Variants in FAM13A observed in about 807,000 individuals in gnomAD.
FAM13A encodes the protein family with sequence similarity 13 member A.
FAM13A carries 76 observed loss-of-function variants against 129.6 expected under a neutral mutation model. That is an observed-to-expected ratio of 0.59 (90% CI 0.49 to 0.71). The LOEUF is 0.71. Among genes scored for constraint, FAM13A ranks in the 30% least tolerant of loss-of-function variants. FAM13A has a pLI of 0.00. For missense variants in FAM13A, 1,108 were observed against 1,249.3 expected, an observed-to-expected ratio of 0.89 and a Z score of 1.70; for synonymous variants, 443 against 449.9, an observed-to-expected ratio of 0.98 and a Z score of 0.20.
At chr4:88,921,649 A>C (rs556871072) in intron 5 of FAM13A, among the ~76,000 whole-genome samples, 35 of 152,332 alleles carry the variant, frequency 2.3e-4, no homozygotes, top group Admixed American at 5.2e-4. Context: ...TCAACTAACG[A>C]GCAAAATAAT....
intron 14 of FAM13A, among the ~76,000 whole-genome samples, chr4:88,751,340 G>A (rs1578488487): frequency 6.6e-6 from 1 of 152,164 alleles, no homozygotes; most frequent in Non-Finnish European, 1.5e-5. Context: ...CCAAACAACC[G>A]AGGAGTCAAG....
intron 4 of FAM13A, among the ~76,000 whole-genome samples, chr4:88,971,696 G>C (rs906195107): frequency 6.6e-6 from 1 of 152,114 alleles, no homozygotes; most frequent in Non-Finnish European, 1.5e-5. Flanking sequence ...ACTTTTAAGA[G>C]ACAGAGTCTC....
chr4:88,804,833 A>T (rs1015157170), intron 8 of FAM13A, among the ~76,000 whole-genome samples, 178 bp downstream of exon 8: 1 of 149,812 alleles, frequency 6.7e-6, no homozygotes, highest in East Asian at 1.9e-4. Context: ...TCAGACATTT[A>T]AAAAAAAAAT....
At chr4:88,731,291 G>A (rs759460587) in intron 23 of FAM13A, 36 bp downstream of exon 23, 7 of 1,158,752 alleles carry the variant, frequency 6.0e-6, no homozygotes, top group South Asian at 5.2e-5. Context: ...GTGGTGCGGC[G>A]GGGGGGAAGG....
In FAM13A at chr4:88,776,668, T is replaced by A. The variant is rs535996887; in HGVS notation, c.1458+4497A>T. On this transcript the variant is annotated intron_variant, in intron 11 of 23. Coordinates refer to ENST00000264344, the MANE Select transcript of FAM13A (RefSeq NM_014883.4). ...AGCAAATTAATATATATGGTTTTTTTGATATTTAAGATTATGCACCTAGTG... is the reference window on the plus strand; with the variant it reads ...AGCAAATTAATATATATGGTTTTTTAGATATTTAAGATTATGCACCTAGTG... 2.0e-5 allele frequency among the ~76,000 whole-genome samples: 3 copies of A among 152,254 alleles called. No homozygotes were observed. The South Asian group carries it at 6.2e-4, about 32-fold the overall frequency.
chr4:88,959,368 G>T (rs958886425), intron 4 of FAM13A, among the ~76,000 whole-genome samples: 2 of 152,180 alleles, frequency 1.3e-5, no homozygotes, highest in Admixed American at 6.5e-5. Flanking sequence ...GATCATGGGG[G>T]ATGGTTCCCT....
At chr4:88,975,030 C>T (rs1275247833) in intron 4 of FAM13A, among the ~76,000 whole-genome samples, 1 of 151,880 alleles carries the variant, frequency 6.6e-6, no homozygotes, top group Non-Finnish European at 1.5e-5. Context: ...AGTATGTACT[C>T]AAAAAATATT....
intron 13 of FAM13A, 81 bp from the exon 14 acceptor site, chr4:88,758,982 G>C: frequency 2.1e-6 from 3 of 1,438,318 alleles, no homozygotes; most frequent in Non-Finnish European, 2.9e-6. Context: ...ACTCCTTCAG[G>C]ATAAAACCTT....
intron 6 of FAM13A, among the ~76,000 whole-genome samples, chr4:88,857,628 CAAAAA>C (rs1177788248): frequency 1.7e-5 from 1 of 58,572 alleles, no homozygotes; most frequent in Admixed American, 1.8e-4. Flanking sequence ...GATTCTGCCT[CAAAAA>C]AAAAAAAAAA....
intron 1 of FAM13A, among the ~76,000 whole-genome samples, chr4:89,040,139 C>A (rs1513807): frequency 0.59 from 88,990 of 151,846 alleles, 26,642 homozygotes; most frequent in Middle Eastern, 0.68. Flanking sequence ...GAGGTGCATG[C>A]TGCAACAGGG....
intron 18 of FAM13A, among the ~76,000 whole-genome samples, 196 bp from the exon 19 acceptor site, chr4:88,747,211 C>T (rs956445981): frequency 6.6e-6 from 1 of 152,158 alleles, no homozygotes; most frequent in African/African-American, 2.4e-5. Flanking sequence ...GCAGAATCAT[C>T]ATCAGCCACC....
chr4:88,904,907 T>A (rs2446303), intron 6 of FAM13A, among the ~76,000 whole-genome samples: 1 of 152,046 alleles, frequency 6.6e-6, no homozygotes, highest in Non-Finnish European at 1.5e-5. Flanking sequence ...TATAATAGTT[T>A]TTATTTTTTC....
chr4:88,847,496 C>CAGCAATGGCTAGCAATGGCT (rs1455471281), intron 7 of FAM13A, among the ~76,000 whole-genome samples: 2 of 152,226 alleles, frequency 1.3e-5, no homozygotes, highest in Admixed American at 1.3e-4. Flanking sequence ...ATAGTTGCTA[C>CAGCAATGGCTAGCAATGGCT]AGCAATGGCT....
At chr4:88,792,076 A>G (rs952532760) in intron 8 of FAM13A, among the ~76,000 whole-genome samples, 2 of 152,142 alleles carry the variant, frequency 1.3e-5, no homozygotes, top group Non-Finnish European at 2.9e-5. Flanking sequence ...TTAAATAATT[A>G]AGAAGATAAG....
At chr4:88,993,420 C>CAACA (rs1212138190) in intron 3 of FAM13A, among the ~76,000 whole-genome samples, 9 of 152,166 alleles carry the variant, frequency 5.9e-5, no homozygotes, top group Non-Finnish European at 1.3e-4. Context: ...AGGTAACAAG[C>CAACA]AACAGCATTA....
At chr4:89,012,301 A>G (rs1765839041) in intron 3 of FAM13A, among the ~76,000 whole-genome samples, 1 of 152,250 alleles carries the variant, frequency 6.6e-6, no homozygotes. Flanking sequence ...TGAGATAATC[A>G]TACTATAAAC....
chr4:88,740,109 C>T (rs1443081028), intron 19 of FAM13A, among the ~76,000 whole-genome samples: 1 of 152,164 alleles, frequency 6.6e-6, no homozygotes, highest in Non-Finnish European at 1.5e-5. Context: ...GTTGTCTCAA[C>T]CCTCTTGTCC....
At chr4:88,753,781 G>T (rs955614299) in intron 14 of FAM13A, 1 of 178,660 alleles carries the variant, frequency 5.6e-6, no homozygotes, top group Admixed American at 6.5e-5. Context: ...AAAAGCACAA[G>T]GCTCATGTTT....
chr4:88,759,929 T>C (rs534868675), intron 13 of FAM13A, among the ~76,000 whole-genome samples: 2 of 152,368 alleles, frequency 1.3e-5, no homozygotes, highest in Admixed American at 1.3e-4. Flanking sequence ...CACACAATTA[T>C]AAACAAAAGT....
Sources: allele counts gnomAD v4.1 joint callset (sites outside exome capture counted in the v4.1 genomes callset), GRCh38; gene constraint gnomAD v4.1.1; transcripts MANE v1.5; gene names NCBI Gene and HGNC (gene_info 2026-07-23, HGNC 2026-07-21).